DNAH14: variants seen among roughly 807,000 people sequenced by gnomAD.
DNAH14 encodes the protein axonemal beta dynein heavy chain 14.
DNAH14 carries 478 observed loss-of-function variants against 520.9 expected under a neutral mutation model. The ratio of observed to expected loss-of-function variants is 0.92; its 90% CI spans 0.85 to 0.99. The LOEUF is 0.99. Among genes scored for constraint, DNAH14 ranks in the 50% least tolerant of loss-of-function variants. The pLI, the probability that DNAH14 is intolerant of heterozygous loss-of-function variation, is 0.00. For missense variants in DNAH14, 4,831 were observed against 5,234.5 expected (o/e 0.92, Z 2.38); for synonymous variants, 1,581 against 1,757.2 (o/e 0.90, Z 2.51).
At chr1:225,336,954 G>T (rs7521190) in intron 66 of DNAH14, among the ~76,000 whole-genome samples, 2 of 151,914 alleles carry the variant, frequency 1.3e-5, no homozygotes, top group East Asian at 3.9e-4. Context: ...ATTCTATATT[G>T]TATGCGTTAG....
At position 225,367,889 on chromosome 1, in the gene DNAH14, A is replaced by G. The variant is rs1372239390; in HGVS notation, c.12175A>G (p.Ile4059Val). 7.1e-6 allele frequency: 11 copies of G among 1,551,532 alleles called. No individual in the cohort carries two copies. Among genetic ancestry groups the G allele is most frequent in the Non-Finnish European group, 9.6e-6 (11 of 1,146,944 alleles). Residue 4059 changes from isoleucine to valine, a missense_variant, in exon 77 of 86, where the codon ATA (isoleucine) becomes GTA (valine). Coordinates refer to ENST00000682510, the MANE Select transcript of DNAH14 (RefSeq NM_001367479.1). The part of the protein sequence containing the change: ...CTGSGEVTEE[I>V]FENPDCGQWW... ...TGGGAGTGGAGAGGTAACAGAAGAG[A>G]TATTTGAAAATCCTGACTGTGGACA...
At chr1:225,348,298 T>C (rs1475192729) in intron 71 of DNAH14, among the ~76,000 whole-genome samples, 3 of 151,744 alleles carry the variant, frequency 2.0e-5, no homozygotes, top group Non-Finnish European at 4.4e-5. Context: ...GAGAAAAGGG[T>C]AGAGAAATTC....
chr1:225,103,756 A>G (rs552677306), intron 23 of DNAH14, among the ~76,000 whole-genome samples: 114 of 152,072 alleles, frequency 7.5e-4, no homozygotes, highest in Non-Finnish European at 1.1e-3. Context: ...CTGAGACTTT[A>G]ATGAAGTTGC....
chr1:225,028,528 G>A (rs569984565), intron 11 of DNAH14, among the ~76,000 whole-genome samples: 25 of 151,564 alleles, frequency 1.6e-4, no homozygotes, highest in African/African-American at 6.0e-4. Flanking sequence ...TATTTTCTTA[G>A]TCTAGTTAAA....
In DNAH14 at chr1:225,374,759, G is replaced by A. The variant is rs1339510697; in HGVS notation, c.12390G>A (p.Leu4130=). 23 of 1,551,494 alleles carry A rather than the reference G, an allele frequency of 1.5e-5. No homozygotes were observed. Among genetic ancestry groups the A allele is most frequent in the Admixed American group, 2.0e-5 (1 of 50,986 alleles). The change falls in exon 78 of 86, where the codon CTG becomes CTA. Residue 4130 remains leucine, a synonymous_variant. Transcript: ENST00000682510. The stretch of plus-strand genomic sequence containing the variant: ...TTTCGTGGCAAGCACTGCGCTACCT[G>A]ATTGGAGAAGTGATTTACGGTGGCC... ...PSISWQALRY[L]IGEVIYGGRV... is the part of the protein sequence containing the mutation.
intron 43 of DNAH14, among the ~76,000 whole-genome samples, chr1:225,241,364 C>T (rs2091954959): frequency 1.3e-5 from 2 of 151,942 alleles, no homozygotes; most frequent in African/African-American, 4.8e-5. Flanking sequence ...CAAAAAGAGA[C>T]AAAATATTAA....
chr1:225,398,682 T>C lies in DNAH14; in HGVS notation c.13638+16T>C. 1 of 1,551,314 alleles carries C rather than the reference T, an allele frequency of 6.4e-7. No homozygotes were observed. The highest frequency in any genetic ancestry group is 8.7e-7 in the Non-Finnish European group (1 of 1,146,640). ...GCCAACAAAGGTAATCACCCTGCTATTATCCTGAAGTCCTAAACCTCTGAG... is the reference window on the plus strand; with the variant it reads ...GCCAACAAAGGTAATCACCCTGCTACTATCCTGAAGTCCTAAACCTCTGAG... On this transcript the variant is annotated intron_variant, in intron 85 of 85. Coordinates refer to ENST00000682510, the MANE Select transcript of DNAH14 (RefSeq NM_001367479.1).
chr1:225,271,909 C>T lies in DNAH14; in HGVS notation c.7675C>T (p.His2559Tyr), dbSNP rs747311687. The change falls in exon 51 of 86, where the codon CAT (histidine) becomes TAT (tyrosine). Residue 2559 changes from histidine to tyrosine, a missense_variant. Physicochemically the swap from His to Tyr is moderately conservative, Grantham distance 83. Coordinates refer to ENST00000682510, the MANE Select transcript of DNAH14 (RefSeq NM_001367479.1). ...ATTATAACATTTCTTTTTAAAGGCT[C>T]ATTTGGGAATTTATTTCTCCATCAA... ...QDILCTIFQAHLGIYFSINNF... is the reference protein window; with the variant it reads ...QDILCTIFQAYLGIYFSINNF... 1.9e-6 allele frequency: 3 copies of T among 1,541,682 alleles called. No individual in the cohort carries two copies. Among genetic ancestry groups the T allele is most frequent in the South Asian group, 2.4e-5 (2 of 82,218 alleles).
At chr1:225,067,331 G>A (rs2071010713) in intron 17 of DNAH14, among the ~76,000 whole-genome samples, 1 of 152,094 alleles carries the variant, frequency 6.6e-6, no homozygotes, top group South Asian at 2.1e-4. Flanking sequence ...ATTCCATAGT[G>A]TATACATACC....
At chr1:225,297,806 G>A (rs2094043805) in intron 55 of DNAH14, among the ~76,000 whole-genome samples, 1 of 152,210 alleles carries the variant, frequency 6.6e-6, no homozygotes, top group Admixed American at 6.5e-5. Flanking sequence ...GGGGCCATAG[G>A]GCTATTGCTC....
chr1:225,369,410 G>T (rs1353454350), intron 77 of DNAH14, among the ~76,000 whole-genome samples: 1 of 151,450 alleles, frequency 6.6e-6, no homozygotes, highest in African/African-American at 2.4e-5. Flanking sequence ...AGCAGAAATG[G>T]CAATATTAAT....
intron 62 of DNAH14, among the ~76,000 whole-genome samples, chr1:225,323,975 A>G (rs1345821440): frequency 6.6e-6 from 1 of 151,664 alleles, no homozygotes; most frequent in African/African-American, 2.4e-5. Flanking sequence ...GCCACCATGC[A>G]CAGCTAATTT....
intron 81 of DNAH14, among the ~76,000 whole-genome samples, chr1:225,386,712 C>T (rs530734064): frequency 3.5e-4 from 54 of 152,334 alleles, no homozygotes; most frequent in African/African-American, 1.3e-3. Context: ...GAATGGCAAT[C>T]ATTAAAAAGT....
At chr1:225,349,460 A>G (rs1169528933) in intron 71 of DNAH14, among the ~76,000 whole-genome samples, 2 of 152,158 alleles carry the variant, frequency 1.3e-5, no homozygotes, top group Non-Finnish European at 2.9e-5. Context: ...CCTGTGAGTA[A>G]TTACTTTAAA....
chr1:225,379,784 C>A (rs2095756403), intron 79 of DNAH14, among the ~76,000 whole-genome samples: 1 of 152,146 alleles, frequency 6.6e-6, no homozygotes, highest in South Asian at 2.1e-4. Context: ...CTCGGCCTCC[C>A]AAATTGCAGG....
In DNAH14 at chr1:225,300,962, A is replaced by G; in HGVS notation, c.8563A>G (p.Ile2855Val). The G allele has an allele frequency of 6.4e-7, 1 of 1,551,432 alleles. No individual in the cohort carries two copies. Among genetic ancestry groups the G allele is most frequent in the Non-Finnish European group, 8.7e-7 (1 of 1,146,872 alleles). The change falls in exon 56 of 86, where the codon ATC (isoleucine) becomes GTC (valine). Residue 2855 changes from isoleucine to valine, a missense_variant. Physicochemically the swap from Ile to Val is conservative, Grantham distance 29. Coordinates refer to ENST00000682510, the MANE Select transcript of DNAH14 (RefSeq NM_001367479.1). ...TGAGCTGGATTCTATTGCAATGAAA[A>G]TCAGATATCTTACTGAACAATCTGG... is the stretch of plus-strand genomic sequence containing the variant. The part of the protein sequence containing the change: ...NVELDSIAMK[I>V]RYLTEQSGHM...
At chr1:225,170,789 C>A (rs1026094184) in intron 36 of DNAH14, among the ~76,000 whole-genome samples, 1 of 152,048 alleles carries the variant, frequency 6.6e-6, no homozygotes, top group African/African-American at 2.4e-5. Context: ...TCTACAAAAC[C>A]CTCCACCCCA....
intron 54 of DNAH14, among the ~76,000 whole-genome samples, chr1:225,282,536 T>C (rs1047282643): frequency 9.2e-5 from 14 of 152,022 alleles, no homozygotes; most frequent in African/African-American, 3.1e-4. Flanking sequence ...AGAAAGCAGG[T>C]AGAGGAGTGA....
intron 83 of DNAH14, among the ~76,000 whole-genome samples, chr1:225,390,488 G>GCA (rs1173032399): frequency 3.3e-5 from 5 of 151,984 alleles, no homozygotes; most frequent in African/African-American, 4.8e-5. Flanking sequence ...ACAGGCCCCA[G>GCA]CACACACACA....
Sources: gnomAD v4.1 joint callset for allele counts (sites outside exome capture counted in the v4.1 genomes callset) on GRCh38, gnomAD v4.1.1 for gene constraint, MANE v1.5 for transcripts, NCBI Gene and HGNC (gene_info 2026-07-23, HGNC 2026-07-21) for gene names.